TTC7B: variants seen among roughly 807,000 people sequenced by gnomAD.
The protein encoded by TTC7B is tetratricopeptide repeat domain 7B.
Under a neutral mutation model 106.8 loss-of-function variants are expected in TTC7B, and 28 were observed. The observed-to-expected ratio is 0.26, with a 90% CI of 0.19 to 0.36. The LOEUF is 0.36. TTC7B is among the 10% of genes least tolerant of loss of function. The pLI is 1.00. For missense variants in TTC7B, 862 were observed against 1,076.4 expected, an observed-to-expected ratio of 0.80 and a Z score of 2.79; for synonymous variants, 405 against 430.6, an observed-to-expected ratio of 0.94 and a Z score of 0.74.
chr14:90,587,221 G>A (rs772614847), intron 18 of TTC7B, among the ~76,000 whole-genome samples: 15 of 152,168 alleles, frequency 9.9e-5, no homozygotes, highest in South Asian at 2.1e-4. Context: ...TCAGCCTCCT[G>A]AGTAGTGCCC....
chr14:90,660,322 C>G (rs533482674), intron 9 of TTC7B, among the ~76,000 whole-genome samples: 1 of 138,616 alleles, frequency 7.2e-6, no homozygotes. Flanking sequence ...CCCAGGAGGC[C>G]GAGGCTGCAG....
intron 3 of TTC7B, among the ~76,000 whole-genome samples, chr14:90,760,413 C>G (rs2140016251): frequency 6.6e-6 from 1 of 152,310 alleles, no homozygotes; most frequent in Admixed American, 6.5e-5. Context: ...ACTCGAGATT[C>G]AAGCAATAAG....
chr14:90,658,332 A>C lies in TTC7B; in HGVS notation c.1208T>G (p.Phe403Cys). The C allele has an allele frequency of 6.2e-7, 1 of 1,614,082 alleles. No homozygotes were observed. Among genetic ancestry groups the C allele is most frequent in the Non-Finnish European group, 8.5e-7 (1 of 1,179,934 alleles). Residue 403 changes from phenylalanine to cysteine, a missense_variant, in exon 10 of 20, where the codon TTT becomes TGT. Phe to Cys is a radical substitution (Grantham distance 205). Transcript: ENST00000328459. ...TCCAGCAGCCATCAGGGACAGAGCAAACTGGTACCACAGGTGGAATTCCTC... is the reference window on the plus strand; with the variant it reads ...TCCAGCAGCCATCAGGGACAGAGCACACTGGTACCACAGGTGGAATTCCTC... ...AFEEFHLWYQFALSLMAAGKS... is the reference protein window; with the variant it reads ...AFEEFHLWYQCALSLMAAGKS...
At chr14:90,612,974 A>C (rs1892936483) in intron 16 of TTC7B, among the ~76,000 whole-genome samples, 2 of 152,236 alleles carry the variant, frequency 1.3e-5, no homozygotes, top group Non-Finnish European at 2.9e-5. Context: ...TCCCTCCACC[A>C]GCTGGGAAAC....
chr14:90,763,803 C>T (rs1890584781), intron 3 of TTC7B, among the ~76,000 whole-genome samples: 1 of 152,034 alleles, frequency 6.6e-6, no homozygotes, highest in East Asian at 1.9e-4. Flanking sequence ...GAATGTAAGA[C>T]TTGAATGCCA....
intron 19 of TTC7B, among the ~76,000 whole-genome samples, chr14:90,561,348 G>A (rs1214593492): frequency 1.3e-5 from 2 of 151,410 alleles, no homozygotes; most frequent in Admixed American, 6.6e-5. Flanking sequence ...GCACGTGTGT[G>A]TGCATGTCCA....
At chr14:90,771,105 C>T (rs922146673) in intron 3 of TTC7B, among the ~76,000 whole-genome samples, 5 of 151,906 alleles carry the variant, frequency 3.3e-5, no homozygotes, top group Admixed American at 6.6e-5. Context: ...GTTCTGGAGA[C>T]GGATGGTGGT....
At chr14:90,622,808 C>T (rs1884266254) in intron 15 of TTC7B, among the ~76,000 whole-genome samples, 1 of 152,050 alleles carries the variant, frequency 6.6e-6, no homozygotes, top group African/African-American at 2.4e-5. Flanking sequence ...AAAAGAAGAA[C>T]CTTGCTAAAA....
chr14:90,626,676 C>A (rs75007577), intron 15 of TTC7B, among the ~76,000 whole-genome samples: 2,345 of 152,292 alleles, frequency 0.015, 65 homozygotes, highest in African/African-American at 0.054. Context: ...TGGCCTGACA[C>A]AACCCTGCTA....
intron 4 of TTC7B, among the ~76,000 whole-genome samples, chr14:90,731,462 C>T (rs1033185619): frequency 6.6e-6 from 1 of 152,166 alleles, no homozygotes; most frequent in African/African-American, 2.4e-5. Flanking sequence ...ATTATTAGTT[C>T]CCTAACCCAC....
At chr14:90,700,632 T>C (rs1224123593) in intron 5 of TTC7B, among the ~76,000 whole-genome samples, 2 of 151,494 alleles carry the variant, frequency 1.3e-5, no homozygotes, top group African/African-American at 4.8e-5. Context: ...CTAAAGCAGG[T>C]ACTTGGTATA....
chr14:90,547,783 A>AT (rs1491321249), intron 19 of TTC7B, among the ~76,000 whole-genome samples: 7 of 151,506 alleles, frequency 4.6e-5, no homozygotes, highest in Admixed American at 1.3e-4. Flanking sequence ...GGTGACAGAG[A>AT]TAAAAAAAAA....
intron 17 of TTC7B, among the ~76,000 whole-genome samples, chr14:90,601,347 TTGAG>T (rs1441812363): frequency 2.6e-5 from 4 of 152,108 alleles, no homozygotes; most frequent in Non-Finnish European, 4.4e-5. Flanking sequence ...ATATACATTC[TTGAG>T]TGTTAGAAAA....
chr14:90,776,890 C>A (rs1174118970), intron 3 of TTC7B, among the ~76,000 whole-genome samples: 1 of 152,152 alleles, frequency 6.6e-6, no homozygotes. Context: ...CCCCAGGTTT[C>A]TTTTCTGTAA....
intron 5 of TTC7B, chr14:90,699,057 G>A (rs958686505): frequency 3.0e-5 from 12 of 395,846 alleles, no homozygotes; most frequent in African/African-American, 1.3e-4. Flanking sequence ...CCTCCCTCTC[G>A]ACCCTCTGTC....
chr14:90,786,912 T>C (rs1394070450), intron 1 of TTC7B, among the ~76,000 whole-genome samples: 1 of 152,010 alleles, frequency 6.6e-6, no homozygotes, highest in Non-Finnish European at 1.5e-5. Context: ...TGGAGAGAGT[T>C]CAAGTTCAGT....
intron 5 of TTC7B, among the ~76,000 whole-genome samples, chr14:90,716,230 G>A (rs770398037): frequency 5.9e-5 from 9 of 152,174 alleles, no homozygotes; most frequent in Non-Finnish European, 8.8e-5. Flanking sequence ...TGGCTAAACC[G>A]ATCTAACAGG....
At chr14:90,700,757 A>T (rs1887953059) in intron 5 of TTC7B, among the ~76,000 whole-genome samples, 1 of 105,712 alleles carries the variant, frequency 9.5e-6, no homozygotes, top group South Asian at 3.1e-4. Context: ...AACACTTACA[A>T]CTCCGGAAAA....
At chr14:90,776,203 T>G (rs1025990539) in intron 3 of TTC7B, among the ~76,000 whole-genome samples, 14 of 147,024 alleles carry the variant, frequency 9.5e-5, no homozygotes, top group African/African-American at 3.6e-4. Flanking sequence ...GACCATCAGG[T>G]GATGGTCAGG....
Sources: allele counts gnomAD v4.1 joint callset (sites outside exome capture counted in the v4.1 genomes callset), GRCh38; gene constraint gnomAD v4.1.1; transcripts MANE v1.5; gene names NCBI Gene and HGNC (gene_info 2026-07-23, HGNC 2026-07-21).